The following ARSK variants were observed in gnomAD, a reference collection of about 807,000 sequenced individuals.
ARSK encodes the protein arylsulfatase family member K, also known as arylsulfatase K.
ARSK carries 37 observed loss-of-function variants against 53.2 expected under a neutral mutation model. That is an observed-to-expected ratio of 0.70 (90% CI 0.54 to 0.92). ARSK has a LOEUF of 0.92. Among genes scored for constraint, ARSK ranks in the 40% least tolerant of loss-of-function variants. The pLI, the probability that ARSK is intolerant of heterozygous loss-of-function variation, is 0.00. For synonymous variants in ARSK, 208 were observed against 223.2 expected, an observed-to-expected ratio of 0.93 and a Z score of 0.61; for missense variants, 613 against 643.0, an observed-to-expected ratio of 0.95 and a Z score of 0.51.
At chr5:95,566,151 G>C in intron 2 of ARSK, 24 bp downstream of exon 2, 1 of 1,607,468 alleles carries the variant, frequency 6.2e-7, no homozygotes, top group Non-Finnish European at 8.5e-7. Context: ...TAATATGAAT[G>C]GGAGAAAGTG....
rs558472818 is a variant in ARSK, at chr5:95,565,299, T to C, written c.127-699T>C. ...GGTCTCCCTGTGTTGCCCAGGCTGG[T>C]CTTGACCTCCTGAGCTCAAGCTATC... On this transcript the variant is annotated intron_variant, in intron 1 of 7. Coordinates refer to ENST00000380009, the MANE Select transcript of ARSK (RefSeq NM_198150.3). Among the ~76,000 whole-genome samples, 28 of 152,248 alleles carry C rather than the reference T, an allele frequency of 1.8e-4. No homozygotes were observed. The Middle Eastern group carries it at 0.017, about 92-fold the overall frequency.
intron 3 of ARSK, among the ~76,000 whole-genome samples, chr5:95,579,357 G>A (rs1401988703): frequency 6.6e-6 from 1 of 152,188 alleles, no homozygotes; most frequent in Admixed American, 6.5e-5. Context: ...GGCTTGGGAG[G>A]CCTCACAGTC....
chr5:95,575,622 C>T (rs868161335), intron 3 of ARSK, among the ~76,000 whole-genome samples: 2 of 151,856 alleles, frequency 1.3e-5, no homozygotes, highest in African/African-American at 4.8e-5. Flanking sequence ...TTTTTTGTAG[C>T]GGTTACTTTC....
In ARSK at chr5:95,556,308, G is replaced by A. The variant is rs2112404732; in HGVS notation, c.126+904G>A. 7.2e-6 allele frequency: 5 copies of A among 694,316 alleles called. No individual in the cohort carries two copies. The East Asian group carries it at 1.3e-4, about 19-fold the overall frequency. The allele number at this position is 694,316 out of a possible 1,614,324, so 43.0% of individuals were successfully genotyped here. On this transcript the variant is annotated intron_variant, in intron 1 of 7. Coordinates refer to ENST00000380009, the MANE Select transcript of ARSK (RefSeq NM_198150.3). ...GTGATTTAAACTTAGAGAATGGGCAGTACTGGAAATTGACTAGATGGCATT... is the reference window on the plus strand; with the variant it reads ...GTGATTTAAACTTAGAGAATGGGCAATACTGGAAATTGACTAGATGGCATT...
intron 5 of ARSK, among the ~76,000 whole-genome samples, chr5:95,591,176 G>T (rs915149321): frequency 6.6e-6 from 1 of 152,108 alleles, no homozygotes; most frequent in Non-Finnish European, 1.5e-5. Context: ...CTTTGAGCAA[G>T]AGTTCCCATG....
intron 1 of ARSK, among the ~76,000 whole-genome samples, chr5:95,557,990 A>G (rs2112407378): frequency 6.6e-6 from 1 of 152,342 alleles, no homozygotes; most frequent in Middle Eastern, 3.4e-3. Flanking sequence ...TGTGGCAGTG[A>G]ACTATAGTTT....
rs1311866668 is a variant in ARSK, at chr5:95,603,510, A to C, written c.1595A>C (p.Asn532Thr). ...GATCAGTGGCTTAAAACCCATATGA[A>C]TCCAAGAGCAGTTTGAACAAAAAGT... ...AIDQWLKTHMNPRAV is the reference protein window; with the variant it reads ...AIDQWLKTHMTPRAV Residue 532 changes from asparagine (N) to threonine (T), a missense_variant, in exon 8 of 8, where the codon AAT becomes ACT. By Grantham distance (65) the Asn-to-Thr change is moderately conservative (BLOSUM62 0). Transcript: ENST00000380009. 1 of 1,597,898 alleles carries C rather than the reference A, an allele frequency of 6.3e-7. No individual in the cohort carries two copies. Among genetic ancestry groups the C allele is most frequent in the Admixed American group, 1.8e-5 (1 of 55,998 alleles).
At chr5:95,596,961 C>T (rs1032424850) in intron 6 of ARSK, among the ~76,000 whole-genome samples, 2 of 151,792 alleles carry the variant, frequency 1.3e-5, no homozygotes, top group Non-Finnish European at 2.9e-5. Context: ...TGATAGGATA[C>T]TATTACATTA....
chr5:95,600,722 A>G (rs1461182057), intron 6 of ARSK, 125 bp from the exon 7 acceptor site: 5 of 984,280 alleles, frequency 5.1e-6, no homozygotes, highest in African/African-American at 4.8e-5. Flanking sequence ...TACAAAATCC[A>G]TATACAATCT....
intron 2 of ARSK, among the ~76,000 whole-genome samples, chr5:95,567,327 G>A: frequency 6.6e-6 from 1 of 152,184 alleles, no homozygotes; most frequent in South Asian, 2.1e-4. Flanking sequence ...AAAACATCTT[G>A]CTAGATGAAA....
At chr5:95,569,226 G>A (rs1231554352) in intron 3 of ARSK, among the ~76,000 whole-genome samples, 1 of 152,154 alleles carries the variant, frequency 6.6e-6, no homozygotes, top group African/African-American at 2.4e-5. Context: ...ACCTAGGCAA[G>A]TGCTAATTGA....
chr5:95,570,377 C>G (rs1748805837), intron 3 of ARSK, among the ~76,000 whole-genome samples: 2 of 152,194 alleles, frequency 1.3e-5, no homozygotes, highest in Non-Finnish European at 1.5e-5. Flanking sequence ...TTCCCCTACT[C>G]TTCCCTGCTA....
In ARSK at chr5:95,591,554, GA is replaced by G. The variant is rs1332536114; in HGVS notation, c.1026del (p.Pro343GlnfsTer34). 1 of 1,614,132 alleles carries G rather than the reference GA, an allele frequency of 6.2e-7. No individual in the cohort carries two copies. The highest frequency in any genetic ancestry group is 8.5e-7 in the Non-Finnish European group (1 of 1,180,024). On this transcript the variant is annotated frameshift_variant, in exon 6 of 8. Coordinates refer to ENST00000380009, the MANE Select transcript of ARSK (RefSeq NM_198150.3). LOFTEE classifies it high-confidence loss of function. ...GCACATGTTCCGCTTTTGATGATGG[GA>G]CCAGGAATTAAAGCCGGCCTACAAG... The part of the protein sequence containing the change: ...ASAHVPLLMM[G>X]PGIKAGLQVS...
chr5:95,560,102 A>G, intron 1 of ARSK, among the ~76,000 whole-genome samples: 1 of 152,218 alleles, frequency 6.6e-6, no homozygotes. Context: ...AATGGATGAA[A>G]TACTTAAAAT....
chr5:95,598,498 A>G (rs1271424642), intron 6 of ARSK, among the ~76,000 whole-genome samples: 3 of 152,180 alleles, frequency 2.0e-5, no homozygotes, highest in Non-Finnish European at 2.9e-5. Flanking sequence ...ATTTTATTCT[A>G]TCAATAATAG....
chr5:95,589,336 G>A (rs1002909491), intron 5 of ARSK, among the ~76,000 whole-genome samples: 4 of 152,154 alleles, frequency 2.6e-5, no homozygotes, highest in Non-Finnish European at 4.4e-5. Flanking sequence ...TGTTACATAG[G>A]TAAACGTGTG....
intron 3 of ARSK, among the ~76,000 whole-genome samples, chr5:95,572,894 A>G (rs921565842): frequency 6.6e-6 from 1 of 152,028 alleles, no homozygotes; most frequent in Non-Finnish European, 1.5e-5. Flanking sequence ...CACCACCCCC[A>G]CCTCTACCCC....
chr5:95,586,807 G>A (rs1749120767), intron 5 of ARSK, 74 bp downstream of exon 5: 1 of 1,291,346 alleles, frequency 7.7e-7, no homozygotes, highest in Non-Finnish European at 1.0e-6. Context: ...TAATCATGCT[G>A]CTTGGTGACT....
Position 95,603,399 on chromosome 5 carries a change from T to G in ARSK, c.1484T>G (p.Ile495Arg). The change falls in exon 8 of 8, where the codon ATA (isoleucine) becomes AGA (arginine). Residue 495 changes from isoleucine to arginine, a missense_variant. Physicochemically the swap from Ile to Arg is moderately conservative, Grantham distance 97. Coordinates refer to ENST00000380009, the MANE Select transcript of ARSK (RefSeq NM_198150.3). Reference protein sequence around the residue: ...KEQFIKWKQSIGQNYSNVIAN... With the variant: ...KEQFIKWKQSRGQNYSNVIAN... ...CAGTTTATCAAGTGGAAACAAAGTA[T>G]AGGACAGAATTATTCAAACGTTATA... 6.2e-7 allele frequency: 1 copy of G among 1,613,780 alleles called. No homozygotes were observed. The highest frequency in any genetic ancestry group is 2.2e-5 in the East Asian group (1 of 44,840).
Sources: allele counts gnomAD v4.1 joint callset (sites outside exome capture counted in the v4.1 genomes callset), GRCh38; gene constraint gnomAD v4.1.1; transcripts MANE v1.5; gene names NCBI Gene and HGNC (gene_info 2026-07-23, HGNC 2026-07-21).